Variants in PCDHGA10 observed in about 807,000 individuals in gnomAD.
PCDHGA10 encodes the protein protocadherin gamma subfamily A, 10.
In PCDHGA10, 42 loss-of-function variants were observed where a neutral mutation model predicts 59.5. The observed-to-expected ratio is 0.71, with a 90% CI of 0.55 to 0.91. The LOEUF is 0.91. Among genes scored for constraint, PCDHGA10 ranks in the 40% least tolerant of loss-of-function variants. The pLI is 0.00. For missense variants in PCDHGA10, 1,111 were observed against 1,198.2 expected, an observed-to-expected ratio of 0.93 and a Z score of 1.07; for synonymous variants, 511 against 517.2, an observed-to-expected ratio of 0.99 and a Z score of 0.16.
rs1210499024 is a variant in PCDHGA10 at position 141,431,784 on chromosome 5, A to T, written c.2436+16173A>T. ...CTGATCACTGTTCTGGACGTGAACG[A>T]CAATGCCCCAGAAGTGGTCCTCACC... On this transcript the variant is annotated intron_variant, in intron 1 of 3. Transcript: ENST00000398610. This position sits in a 1 kb window ranked among gnomAD's most constrained non-coding sequence, Gnocchi z 4.8. The T allele has an allele frequency of 6.2e-7, 1 of 1,614,102 alleles. No homozygotes were observed. The highest frequency in any genetic ancestry group is 8.5e-7 in the Non-Finnish European group (1 of 1,180,030).
At chr5:141,482,366 AT>A (rs1425349819) in intron 1 of PCDHGA10, among the ~76,000 whole-genome samples, 1 of 152,150 alleles carries the variant, frequency 6.6e-6, no homozygotes, top group Non-Finnish European at 1.5e-5. Flanking sequence ...GTGAAAAGTA[AT>A]GCATATAAAG....
chr5:141,433,595 G>C (rs2097629585), intron 1 of PCDHGA10, among the ~76,000 whole-genome samples: 1 of 152,070 alleles, frequency 6.6e-6, no homozygotes, highest in South Asian at 2.1e-4. Context: ...CAGTACTTTG[G>C]GAGGCCGAGG....
At chr5:141,457,677 T>C (rs1386991642) in intron 1 of PCDHGA10, among the ~76,000 whole-genome samples, 1 of 152,262 alleles carries the variant, frequency 6.6e-6, no homozygotes, top group Non-Finnish European at 1.5e-5. Flanking sequence ...TATTTCTACA[T>C]AGGACTTTTG....
chr5:141,468,049 G>C (rs2099156671), intron 1 of PCDHGA10, among the ~76,000 whole-genome samples: 1 of 152,068 alleles, frequency 6.6e-6, no homozygotes, highest in African/African-American at 2.4e-5. Context: ...ACTAAGCCGG[G>C]CACAGTGGCT....
chr5:141,413,358 G>C lies in PCDHGA10; in HGVS notation c.183G>C (p.Arg61=). 6.2e-7 allele frequency: 1 copy of C among 1,613,972 alleles called. No individual in the cohort carries two copies. Among genetic ancestry groups the C allele is most frequent in the Non-Finnish European group, 8.5e-7 (1 of 1,179,904 alleles). The change falls in exon 1 of 4, where the codon CGG becomes CGC. Residue 61 remains arginine, a synonymous_variant. Transcript: ENST00000398610. ...CCAAGGACTTGGGTCTGGCGCCCCG[G>C]GAGCTGGCGGAGCGCGGAGTCCGCA... is the stretch of plus-strand genomic sequence containing the variant. ...NISKDLGLAP[R]ELAERGVRIV...
At chr5:141,423,707 G>A in intron 1 of PCDHGA10, 1 of 1,164,238 alleles carries the variant, frequency 8.6e-7, no homozygotes, top group Non-Finnish European at 1.1e-6. Flanking sequence ...CTTGGCACAA[G>A]TCTTTTAAGG....
At chr5:141,421,281 C>T in intron 1 of PCDHGA10, 2 of 1,612,970 alleles carry the variant, frequency 1.2e-6, no homozygotes, top group South Asian at 2.2e-5. Flanking sequence ...TGCTGCTGTG[C>T]ATTTTCCTGG....
intron 1 of PCDHGA10, chr5:141,423,914 A>G (rs2096790099): frequency 3.0e-5 from 38 of 1,268,116 alleles, no homozygotes; most frequent in Non-Finnish European, 3.0e-6. Flanking sequence ...GGGGCCATTC[A>G]ACTATGCTGG....
At position 141,485,049 on chromosome 5, in the gene PCDHGA10, G is replaced by A; in HGVS notation, c.2437-9758G>A. The A allele has an allele frequency of 1.3e-6, 1 of 780,438 alleles. No individual in the cohort carries two copies. 48.3% of individuals were successfully genotyped at this position (780,438 alleles called of 1,614,324 possible). ...AACGGCGCGTAACCCTTGCGGCGCC[G>A]GCCGAACCGCGCCAGAGCTGGCGCG... On this transcript the variant is annotated intron_variant, in intron 1 of 3. Coordinates refer to ENST00000398610, the MANE Select transcript of PCDHGA10 (RefSeq NM_018913.3). This position sits in a 1 kb window ranked among gnomAD's most constrained non-coding sequence, Gnocchi z 5.7.
intron 1 of PCDHGA10, among the ~76,000 whole-genome samples, chr5:141,475,285 A>G (rs2099361212): frequency 6.6e-6 from 1 of 152,244 alleles, no homozygotes; most frequent in Non-Finnish European, 1.5e-5. Context: ...AAGACAGGGT[A>G]GGGAAATTTC....
chr5:141,491,861 C>A lies in PCDHGA10; in HGVS notation c.2437-2946C>A. ...GGATCATTGGACCGTTTGCGCGAAA[C>A]CAGAGTGGCCGATTAAGGGATGGGG... On this transcript the variant is annotated intron_variant, in intron 1 of 3. Transcript: ENST00000398610. The surrounding 1 kb of genome is among the most constrained non-coding windows in gnomAD (Gnocchi z 6.9). 6.9e-7 allele frequency: 1 copy of A among 1,455,272 alleles called. No homozygotes were observed. The highest frequency in any genetic ancestry group is 9.1e-7 in the Non-Finnish European group (1 of 1,100,930). The allele number at this position is 1,455,272 out of a possible 1,614,324, so 90.1% of individuals were successfully genotyped here.
At chr5:141,426,048 A>G (rs2096911760) in intron 1 of PCDHGA10, among the ~76,000 whole-genome samples, 1 of 152,182 alleles carries the variant, frequency 6.6e-6, no homozygotes, top group Non-Finnish European at 1.5e-5. Context: ...CTGTTGGCCA[A>G]TGTGCTGCAA....
In PCDHGA10 at chr5:141,413,139, C is replaced by A; in HGVS notation, c.-37C>A. On this transcript the variant is annotated 5_prime_UTR_variant, in exon 1 of 4. Coordinates refer to ENST00000398610, the MANE Select transcript of PCDHGA10 (RefSeq NM_018913.3). Reference sequence around the variant, plus strand: ...AACCGGTTGAAACACACAACGTGTCCAGTGAGGACTTTGCAGAATTCTGTA... The same window carrying A: ...AACCGGTTGAAACACACAACGTGTCAAGTGAGGACTTTGCAGAATTCTGTA... The A allele has an allele frequency of 6.4e-7, 1 of 1,553,028 alleles. No homozygotes were observed.
chr5:141,487,181 C>T lies in PCDHGA10; in HGVS notation c.2437-7626C>T. 3 of 1,612,732 alleles carry T rather than the reference C, an allele frequency of 1.9e-6. No individual in the cohort carries two copies. The highest frequency in any genetic ancestry group is 1.1e-5 in the South Asian group (1 of 91,060). ...CTTAGTGTCCTTAGAGGAAGACACT[C>T]ATCCAGTTGTCCCAGATCTTCGAGA... On this transcript the variant is annotated intron_variant, in intron 1 of 3. Transcript: ENST00000398610. This position sits in a 1 kb window ranked among gnomAD's most constrained non-coding sequence, Gnocchi z 5.0.
At position 141,430,258 on chromosome 5, in the gene PCDHGA10, A is replaced by G. The variant is rs542653323; in HGVS notation, c.2436+14647A>G. On this transcript the variant is annotated intron_variant, in intron 1 of 3. Coordinates refer to ENST00000398610, the MANE Select transcript of PCDHGA10 (RefSeq NM_018913.3). ...GAGAAACTCCTAGGGAGACATCTCC[A>G]TAATAGGTGTGTTGGGGGAACAGTA... is the stretch of plus-strand genomic sequence containing the variant. Among the ~76,000 whole-genome samples the G allele has an allele frequency of 5.4e-5, 8 of 148,074 alleles. No homozygotes were observed. In the South Asian group the frequency reaches 8.5e-4, roughly 16 times the overall value.
intron 1 of PCDHGA10, among the ~76,000 whole-genome samples, chr5:141,444,466 C>T (rs539222916): frequency 7.9e-5 from 12 of 152,100 alleles, no homozygotes; most frequent in East Asian, 1.9e-4. Context: ...TCACTGCGCC[C>T]GGTCGCGTAC....
Position 141,414,286 on chromosome 5 carries a change from G to A in PCDHGA10, c.1111G>A (p.Ala371Thr), listed in dbSNP as rs2095728607. ...TEDSPLGTVVALLNVHDLDSE... is the reference protein window; with the variant it reads ...TEDSPLGTVVTLLNVHDLDSE... ...AGATTCACCTCTGGGAACAGTCGTA[G>A]CCCTTTTAAATGTGCATGATTTAGA... Residue 371 changes from alanine (A) to threonine (T), a missense_variant, in exon 1 of 4, where the codon GCC becomes ACC. Ala to Thr is a moderately conservative substitution (Grantham distance 58). Coordinates refer to ENST00000398610, the MANE Select transcript of PCDHGA10 (RefSeq NM_018913.3). 1.9e-6 allele frequency: 3 copies of A among 1,613,586 alleles called. No individual in the cohort carries two copies. The highest frequency in any genetic ancestry group is 2.5e-6 in the Non-Finnish European group (3 of 1,179,770).
intron 1 of PCDHGA10, chr5:141,421,164 A>G (rs1304650780): frequency 1.6e-6 from 2 of 1,286,298 alleles, no homozygotes; most frequent in African/African-American, 1.5e-5. Flanking sequence ...GACTTCATAG[A>G]TACATAAGCC....
Position 141,431,530 on chromosome 5 carries a change from G to A in PCDHGA10, c.2436+15919G>A. On this transcript the variant is annotated intron_variant, in intron 1 of 3. Transcript: ENST00000398610. The surrounding 1 kb of genome is among the most constrained non-coding windows in gnomAD (Gnocchi z 4.8). ...CGAGCGTTCCGGAGAATCTGGCCTT[G>A]GGCACGCAGCTGCTTGTAGTCAACG... 3 of 1,614,072 alleles carry A rather than the reference G, an allele frequency of 1.9e-6. No homozygotes were observed. In the South Asian group the frequency reaches 3.3e-5, roughly 18 times the overall value.
Sources: gnomAD v4.1 joint callset for allele counts (sites outside exome capture counted in the v4.1 genomes callset) on GRCh38, gnomAD v4.1.1 for gene constraint, Gnocchi (gnomAD v3.1) non-coding constraint, MANE v1.5 for transcripts, NCBI Gene and HGNC (gene_info 2026-07-23, HGNC 2026-07-21) for gene names.